Variants in CAPN5 observed in about 807,000 individuals in gnomAD.
The protein encoded by CAPN5 is calpain-5.
A neutral mutation model predicts 73.0 loss-of-function variants in CAPN5; 54 were observed. That is an observed-to-expected ratio of 0.74 (90% CI 0.59 to 0.93). The LOEUF (loss-of-function observed/expected upper bound fraction) is 0.93. Among genes scored for constraint, CAPN5 ranks in the 40% least tolerant of loss-of-function variants. The pLI is 0.00. For missense variants in CAPN5, 785 were observed against 882.9 expected, an observed-to-expected ratio of 0.89 and a Z score of 1.41; for synonymous variants, 335 against 356.9, an observed-to-expected ratio of 0.94 and a Z score of 0.69.
chr11:77,122,770 CA>C, intron 12 of CAPN5, 58 bp downstream of exon 12: 2 of 1,603,754 alleles, frequency 1.2e-6, no homozygotes, highest in Non-Finnish European at 1.7e-6. Flanking sequence ...CTTCCCCACT[CA>C]GGGGGACAAG....
chr11:77,073,857 G>A (rs192365195), intron 1 of CAPN5, among the ~76,000 whole-genome samples: 339 of 152,236 alleles, frequency 2.2e-3, no homozygotes, highest in Non-Finnish European at 3.9e-3. Context: ...TGGCTCTGGC[G>A]CCAGAACCCA....
chr11:77,094,673 A>G (rs1950189425), intron 3 of CAPN5, among the ~76,000 whole-genome samples: 1 of 152,196 alleles, frequency 6.6e-6, no homozygotes, highest in Admixed American at 6.5e-5. Context: ...CAGGCTTGGC[A>G]GTGAGCCTCA....
At chr11:77,079,544 C>T (rs1213436363) in intron 1 of CAPN5, among the ~76,000 whole-genome samples, 1 of 152,054 alleles carries the variant, frequency 6.6e-6, no homozygotes, top group Non-Finnish European at 1.5e-5. Flanking sequence ...CATTGATGAA[C>T]ATTTAGCTTG....
Sources: allele counts gnomAD v4.1 joint callset (sites outside exome capture counted in the v4.1 genomes callset), GRCh38; gene constraint gnomAD v4.1.1; transcripts MANE v1.5; gene names NCBI Gene and HGNC (gene_info 2026-07-23, HGNC 2026-07-21).